GRID2: variants seen among roughly 807,000 people sequenced by gnomAD.
The protein encoded by GRID2 is glutamate receptor ionotropic, delta-2.
Under a neutral mutation model 114.8 loss-of-function variants are expected in GRID2, and 33 were observed. The ratio of observed to expected loss-of-function variants is 0.29; its 90% confidence interval spans 0.22 to 0.38. The LOEUF is 0.38. GRID2 is among the 10% of genes least tolerant of loss of function. The pLI is 1.00. For synonymous variants in GRID2, 505 were observed against 449.9 expected, an observed-to-expected ratio of 1.12 and a Z score of -1.55; for missense variants, 1,184 against 1,257.7, an observed-to-expected ratio of 0.94 and a Z score of 0.89.
At chr4:92,993,365 A>G (rs1252744033) in intron 2 of GRID2, among the ~76,000 whole-genome samples, 5 of 151,292 alleles carry the variant, frequency 3.3e-5, no homozygotes, top group Admixed American at 3.3e-4. Flanking sequence ...CTCTTCCCTT[A>G]CATTTGTGAA....
chr4:93,605,884 C>T (rs1740181670), intron 13 of GRID2, among the ~76,000 whole-genome samples: 1 of 152,150 alleles, frequency 6.6e-6, no homozygotes. Context: ...TAACCAAAGC[C>T]TGGGGTCCTG....
intron 13 of GRID2, among the ~76,000 whole-genome samples, chr4:93,580,235 T>G (rs1736832931): frequency 1.3e-5 from 2 of 152,218 alleles, no homozygotes; most frequent in Non-Finnish European, 2.9e-5. Flanking sequence ...TGAGACATTA[T>G]GCAGCCATAT....
Position 92,728,803 on chromosome 4 carries a change from T to C in GRID2, c.244+138517T>C, listed in dbSNP as rs533553874. On this transcript the variant is annotated intron_variant, in intron 2 of 15. Transcript: ENST00000282020. Reference sequence around the variant, plus strand: ...TTATCATAATGTTGAAACAGAAATATGAGGAATGATAATATGGGTTATCAT... The same window carrying C: ...TTATCATAATGTTGAAACAGAAATACGAGGAATGATAATATGGGTTATCAT... Among the ~76,000 whole-genome samples, 4 of 152,042 alleles carry C rather than the reference T, an allele frequency of 2.6e-5. No individual in the cohort carries two copies. The East Asian group carries it at 7.8e-4, about 30-fold the overall frequency.
At chr4:92,915,037 A>C (rs749959718) in intron 2 of GRID2, among the ~76,000 whole-genome samples, 10 of 152,172 alleles carry the variant, frequency 6.6e-5, no homozygotes, top group Non-Finnish European at 1.5e-4. Flanking sequence ...GTCCCCATGA[A>C]ACTTACAATC....
At chr4:93,563,664 C>T (rs1735126809) in intron 13 of GRID2, among the ~76,000 whole-genome samples, 1 of 151,880 alleles carries the variant, frequency 6.6e-6, no homozygotes, top group African/African-American at 2.4e-5. Context: ...CTCATTCCCA[C>T]AAAGCAAAGT....
Position 93,018,222 on chromosome 4 carries a change from G to GA in GRID2, c.245-66757dup, listed in dbSNP as rs3078566. Reference sequence around the variant, plus strand: ...TTTTAAGTTCCCAGTGTATTTTGTTGAAAAAAAAAAAAAAAACCTACAAGG... The same window carrying GA: ...TTTTAAGTTCCCAGTGTATTTTGTTGAAAAAAAAAAAAAAAAACCTACAAGG... On this transcript the variant is annotated intron_variant, in intron 2 of 15. Transcript: ENST00000282020. Among the ~76,000 whole-genome samples, 211 of 139,416 alleles carry GA rather than the reference G, an allele frequency of 1.5e-3. 1 individual carries two copies. Among genetic ancestry groups the GA allele is most frequent in the East Asian group, 2.7e-3 (13 of 4,804 alleles). 91.5% of individuals were successfully genotyped at this position (139,416 alleles called of 152,430 possible).
At chr4:93,392,428 A>T (rs977738002) in intron 8 of GRID2, among the ~76,000 whole-genome samples, 2 of 152,152 alleles carry the variant, frequency 1.3e-5, no homozygotes, top group African/African-American at 4.8e-5. Context: ...TTGCTATGCA[A>T]TAAGAAACAT....
chr4:93,005,212 T>C (rs1272798192), intron 2 of GRID2, among the ~76,000 whole-genome samples: 1 of 152,100 alleles, frequency 6.6e-6, no homozygotes, highest in African/African-American at 2.4e-5. Flanking sequence ...TTTTTTAAAT[T>C]TTTTATCTCA....
At chr4:93,403,552 A>T (rs1002889357) in intron 9 of GRID2, among the ~76,000 whole-genome samples, 4 of 152,158 alleles carry the variant, frequency 2.6e-5, no homozygotes, top group African/African-American at 7.2e-5. Flanking sequence ...AAAAAAAATT[A>T]AAATGGGCAA....
chr4:93,547,711 A>C (rs569693845), intron 13 of GRID2, among the ~76,000 whole-genome samples: 1 of 152,300 alleles, frequency 6.6e-6, no homozygotes, highest in East Asian at 1.9e-4. Context: ...TACATCCAGA[A>C]AGTGGTAGAT....
At chr4:93,021,498 T>TA (rs955239868) in intron 2 of GRID2, among the ~76,000 whole-genome samples, 4 of 147,580 alleles carry the variant, frequency 2.7e-5, no homozygotes, top group East Asian at 4.0e-4. Flanking sequence ...CTGCTAAATA[T>TA]AAAAAAATAG....
At chr4:93,336,425 C>T (rs10000957) in intron 8 of GRID2, among the ~76,000 whole-genome samples, 38,380 of 152,040 alleles carry the variant, frequency 0.25, 8,138 homozygotes, top group African/African-American at 0.58. Context: ...TAAATCACAG[C>T]TTTCTGGTAA....
At position 93,216,909 on chromosome 4, in the gene GRID2, G is replaced by A. The variant is rs1336424433; in HGVS notation, c.961G>A (p.Glu321Lys). 6.2e-7 allele frequency: 1 copy of A among 1,604,644 alleles called. No homozygotes were observed. Among genetic ancestry groups the A allele is most frequent in the Non-Finnish European group, 8.5e-7 (1 of 1,171,812 alleles). ...AAAGGATCCATTTGCTCAGAATATGGAGGTATATTATAAATGACAGGATAT... is the reference window on the plus strand; with the variant it reads ...AAAGGATCCATTTGCTCAGAATATGAAGGTATATTATAAATGACAGGATAT... ...DPKDPFAQNM[E>K]ISNLYIYDTV... Residue 321 changes from glutamate to lysine, a missense_variant and splice_region_variant, in exon 6 of 16, where the codon GAG (glutamate) becomes AAG (lysine). By Grantham distance (56) the Glu-to-Lys change is moderately conservative. Transcript: ENST00000282020.
At chr4:92,884,694 A>G (rs1746251009) in intron 2 of GRID2, 1 of 194,720 alleles carries the variant, frequency 5.1e-6, no homozygotes, top group Non-Finnish European at 1.1e-5. Flanking sequence ...CTCTTTCCAG[A>G]GTACAACAAG....
chr4:93,691,988 GAACACTT>G (rs1170654442), intron 14 of GRID2, among the ~76,000 whole-genome samples: 1 of 151,992 alleles, frequency 6.6e-6, no homozygotes, highest in Admixed American at 6.6e-5. Context: ...AATATTCATT[GAACACTT>G]TTACATATGC....
chr4:92,848,744 T>C (rs1376884020), intron 2 of GRID2, among the ~76,000 whole-genome samples: 1 of 151,874 alleles, frequency 6.6e-6, no homozygotes, highest in African/African-American at 2.4e-5. Flanking sequence ...ATAGGGTCTT[T>C]AAAGAGGAGA....
intron 8 of GRID2, among the ~76,000 whole-genome samples, chr4:93,327,734 A>T (rs1029826191): frequency 2.0e-5 from 3 of 148,646 alleles, no homozygotes; most frequent in Admixed American, 6.7e-5. Flanking sequence ...TGGAGACTGG[A>T]AGGGTGGGGG....
rs148441320 is a variant in GRID2 at position 93,701,162 on chromosome 4, T to C, written c.2361-68048T>C. 6.6e-5 allele frequency among the ~76,000 whole-genome samples: 10 copies of C among 152,294 alleles called. No homozygotes were observed. In the East Asian group the frequency reaches 1.2e-3, roughly 18 times the overall value. ...TTGATTGGTATTAAATATGTTTTAT[T>C]CCTTCCTATATTGAGCAATCATATC... On this transcript the variant is annotated intron_variant, in intron 14 of 15. Transcript: ENST00000282020.
At chr4:92,548,413 T>TTTTTTTTTTTTTG (rs1726391223) in intron 1 of GRID2, among the ~76,000 whole-genome samples, 1 of 134,222 alleles carries the variant, frequency 7.5e-6, no homozygotes, top group African/African-American at 2.9e-5. Context: ...TTTTTTTTTT[T>TTTTTTTTTTTTTG]TTTTTTGAGA....
Sources: gnomAD v4.1 joint callset for allele counts (sites outside exome capture counted in the v4.1 genomes callset) on GRCh38, gnomAD v4.1.1 for gene constraint, MANE v1.5 for transcripts, NCBI Gene and HGNC (gene_info 2026-07-23, HGNC 2026-07-21) for gene names.